Variants in CCSER2 observed in about 807,000 individuals in gnomAD.
The protein encoded by CCSER2 is serine-rich coiled-coil domain-containing protein 2.
Under a neutral mutation model 92.3 loss-of-function variants are expected in CCSER2, and 46 were observed. The ratio of observed to expected loss-of-function variants is 0.50; its 90% CI spans 0.39 to 0.64. The LOEUF (loss-of-function observed/expected upper bound fraction) is 0.64, where lower values mean the gene tolerates loss of function less well. Ranked by LOEUF, CCSER2 falls within the 30% of genes least tolerant of loss-of-function variation. The pLI is 0.00. For synonymous variants in CCSER2, 433 were observed against 431.4 expected, an observed-to-expected ratio of 1.00 and a Z score of -0.04; for missense variants, 1,244 against 1,238.9, an observed-to-expected ratio of 1.00 and a Z score of -0.06.
At chr10:84,390,966 G>A in intron 3 of CCSER2, 1 of 765,328 alleles carries the variant, frequency 1.3e-6, no homozygotes. Flanking sequence ...TTGATACCCT[G>A]GTCTTTGCAT....
chr10:84,499,144 A>T (rs906631808), intron 9 of CCSER2, among the ~76,000 whole-genome samples: 2 of 150,926 alleles, frequency 1.3e-5, no homozygotes, highest in Admixed American at 6.6e-5. Context: ...AAGAAATTTT[A>T]TTTTTTTTTG....
At chr10:84,477,203 T>C (rs1227937055) in intron 8 of CCSER2, among the ~76,000 whole-genome samples, 1 of 152,216 alleles carries the variant, frequency 6.6e-6, no homozygotes, top group Non-Finnish European at 1.5e-5. Flanking sequence ...GTATGTTTTA[T>C]GGACAATATA....
At chr10:84,356,924 ATACC>A (rs1845203926) in intron 1 of CCSER2, among the ~76,000 whole-genome samples, 2 of 152,320 alleles carry the variant, frequency 1.3e-5, no homozygotes, top group South Asian at 4.1e-4. Context: ...AATTAGTAAA[ATACC>A]TAGCAAGACA....
chr10:84,395,940 A>T (rs1225536411), intron 3 of CCSER2, among the ~76,000 whole-genome samples: 1 of 152,138 alleles, frequency 6.6e-6, no homozygotes, highest in African/African-American at 2.4e-5. Flanking sequence ...ACTGAGGTGT[A>T]ATTACTTTTA....
intron 3 of CCSER2, among the ~76,000 whole-genome samples, chr10:84,390,260 A>G (rs1041924646): frequency 6.6e-6 from 1 of 152,146 alleles, no homozygotes. Flanking sequence ...CCTGACTTCC[A>G]TTATTATCCT....
At chr10:84,491,756 C>G (rs1161976620) in intron 9 of CCSER2, among the ~76,000 whole-genome samples, 1 of 152,138 alleles carries the variant, frequency 6.6e-6, no homozygotes, top group Non-Finnish European at 1.5e-5. Flanking sequence ...CCTGTCCCCA[C>G]TGTCCAACAA....
chr10:84,366,695 A>G (rs144226406), intron 1 of CCSER2, among the ~76,000 whole-genome samples: 1 of 152,344 alleles, frequency 6.6e-6, no homozygotes, highest in East Asian at 1.9e-4. Context: ...TGGCTTAAGT[A>G]TATAACAAGG....
intron 1 of CCSER2, among the ~76,000 whole-genome samples, chr10:84,343,937 AGTACT>A (rs1263793110): frequency 2.0e-5 from 3 of 152,220 alleles, no homozygotes; most frequent in Non-Finnish European, 2.9e-5. Flanking sequence ...GTATTTGACT[AGTACT>A]GTGAAGATGC....
chr10:84,400,824 G>A (rs145814158), intron 3 of CCSER2, among the ~76,000 whole-genome samples: 2 of 152,232 alleles, frequency 1.3e-5, no homozygotes, highest in African/African-American at 4.8e-5. Context: ...TGAAGCAGGA[G>A]AATTGCTTGA....
At chr10:84,417,487 C>G (rs1041267779) in intron 3 of CCSER2, among the ~76,000 whole-genome samples, 5 of 151,926 alleles carry the variant, frequency 3.3e-5, no homozygotes, top group Non-Finnish European at 5.9e-5. Context: ...AGTATTTTAC[C>G]AGGGAAGATG....
intron 1 of CCSER2, among the ~76,000 whole-genome samples, chr10:84,338,804 TTGA>T (rs1487053423): frequency 6.6e-6 from 1 of 152,208 alleles, no homozygotes; most frequent in East Asian, 1.9e-4. Flanking sequence ...GATTATTGAG[TTGA>T]TGTTTGAGAT....
At chr10:84,370,434 T>A (rs1846001421) in intron 1 of CCSER2, among the ~76,000 whole-genome samples, 1 of 152,026 alleles carries the variant, frequency 6.6e-6, no homozygotes, top group Admixed American at 6.6e-5. Flanking sequence ...AGCTTAGTCA[T>A]TGTTGGTATG....
rs1335825002 is a variant in CCSER2 at position 84,513,517 on chromosome 10, G to A, written c.2394G>A (p.Lys798=). Residue 798 remains lysine (K), a synonymous_variant, in exon 10 of 10, where the codon AAG becomes AAA. Transcript: ENST00000372088. ...PTDHTQGKLI[K]PQRIEARSEC... ...ATCACACCCAGGGAAAACTAATAAAGCCACAACGTATCGAGGCCCGCAGTG... is the reference window on the plus strand; with the variant it reads ...ATCACACCCAGGGAAAACTAATAAAACCACAACGTATCGAGGCCCGCAGTG... 2.5e-6 allele frequency: 4 copies of A among 1,614,068 alleles called. No homozygotes were observed. The East Asian group carries it at 6.7e-5, about 27-fold the overall frequency.
chr10:84,361,671 C>T (rs1179297830), intron 1 of CCSER2, among the ~76,000 whole-genome samples: 19 of 149,298 alleles, frequency 1.3e-4, no homozygotes, highest in Non-Finnish European at 2.2e-4. Context: ...GATGGAGTTT[C>T]GCTCTTGTTG....
chr10:84,432,453 T>G (rs1054183450), intron 5 of CCSER2, among the ~76,000 whole-genome samples: 20 of 152,212 alleles, frequency 1.3e-4, no homozygotes, highest in African/African-American at 4.8e-4. Context: ...ACCATTGTTA[T>G]GTCTGTGAGT....
At chr10:84,375,524 A>G (rs1213182723) in intron 3 of CCSER2, among the ~76,000 whole-genome samples, 2 of 127,204 alleles carry the variant, frequency 1.6e-5, no homozygotes, top group Non-Finnish European at 3.2e-5. Context: ...CCTGTTCAGA[A>G]TTGTTGGTTT....
chr10:84,330,653 T>C lies in CCSER2; in HGVS notation c.-40+1845T>C, dbSNP rs907031600. The stretch of plus-strand genomic sequence containing the variant: ...TCAGCCTCCTGAGTAGCTGGAATTA[T>C]AGGCACACACCACCACACCTGGCTA... On this transcript the variant is annotated intron_variant, in intron 1 of 9. Transcript: ENST00000372088. Among the ~76,000 whole-genome samples, 6 of 152,072 alleles carry C rather than the reference T, an allele frequency of 3.9e-5. No homozygotes were observed. In the East Asian group the frequency reaches 5.8e-4, roughly 15 times the overall value.
chr10:84,502,676 G>C (rs1453505948), intron 9 of CCSER2, among the ~76,000 whole-genome samples: 1 of 152,116 alleles, frequency 6.6e-6, no homozygotes, highest in Non-Finnish European at 1.5e-5. Flanking sequence ...CGGCCTCTTT[G>C]ATGACTTCTT....
At chr10:84,364,177 G>T (rs942354061) in intron 1 of CCSER2, among the ~76,000 whole-genome samples, 3 of 152,150 alleles carry the variant, frequency 2.0e-5, no homozygotes, top group African/African-American at 7.2e-5. Flanking sequence ...GTGAGTGAAT[G>T]TGAAGGCCTA....
Sources: allele counts gnomAD v4.1 joint callset (sites outside exome capture counted in the v4.1 genomes callset), GRCh38; gene constraint gnomAD v4.1.1; transcripts MANE v1.5; gene names NCBI Gene and HGNC (gene_info 2026-07-23, HGNC 2026-07-21).